KBTBD3: variants seen among roughly 807,000 people sequenced by gnomAD.
KBTBD3 encodes kelch repeat and BTB domain containing 3.
Under a neutral mutation model 49.6 loss-of-function variants are expected in KBTBD3, and 38 were observed. The observed-to-expected ratio is 0.77, with a 90% CI of 0.59 to 1.00. The LOEUF is 1.00. Among genes scored for constraint, KBTBD3 ranks in the 50% least tolerant of loss-of-function variants. The pLI, the probability that KBTBD3 is intolerant of heterozygous loss-of-function variation, is 0.00. For missense variants in KBTBD3, 661 were observed against 712.0 expected, an observed-to-expected ratio of 0.93 and a Z score of 0.81; for synonymous variants, 214 against 250.4, an observed-to-expected ratio of 0.85 and a Z score of 1.37.
Position 106,054,016 on chromosome 11 carries a change from G to A in KBTBD3, c.673C>T (p.His225Tyr), listed in dbSNP as rs1860495898. 1.2e-6 allele frequency: 2 copies of A among 1,613,662 alleles called. No homozygotes were observed. Among genetic ancestry groups the A allele is most frequent in the Non-Finnish European group, 8.5e-7 (1 of 1,179,782 alleles). Residue 225 changes from histidine (H) to tyrosine (Y), a missense_variant, in exon 4 of 4, where the codon CAT becomes TAT. By Grantham distance (83) the His-to-Tyr change is moderately conservative. Transcript: ENST00000531837. Reference sequence around the variant, plus strand: ...TACTTTTGCCTTGATTCTAAGTTATGTTTAGTCCAACTAAGGACAACTTTC... The same window carrying A: ...TACTTTTGCCTTGATTCTAAGTTATATTTAGTCCAACTAAGGACAACTTTC... ...VLKVVLSWTK[H>Y]NLESRQKYLP...
At chr11:106,058,654 C>A in intron 3 of KBTBD3, 1 of 492,432 alleles carries the variant, frequency 2.0e-6, no homozygotes, top group South Asian at 2.8e-5. Flanking sequence ...GAAGTCCTGA[C>A]CTCAGGTGAT....
At chr11:106,069,513 A>G (rs956430264) in intron 2 of KBTBD3, among the ~76,000 whole-genome samples, 16 of 152,128 alleles carry the variant, frequency 1.1e-4, no homozygotes, top group Admixed American at 9.2e-4. Flanking sequence ...ATAGTTCAAA[A>G]AAAAAAGAAG....
At chr11:106,058,401 G>A (rs1185614198) in intron 3 of KBTBD3, among the ~76,000 whole-genome samples, 2 of 150,408 alleles carry the variant, frequency 1.3e-5, no homozygotes, top group East Asian at 4.0e-4. Flanking sequence ...AAAATCATTA[G>A]TTAATCTTGG....
chr11:106,062,635 T>C (rs1408174289), intron 2 of KBTBD3, among the ~76,000 whole-genome samples: 2 of 152,252 alleles, frequency 1.3e-5, no homozygotes, highest in African/African-American at 4.8e-5. Flanking sequence ...CTTCATTTGA[T>C]TGGATAAGGC....
chr11:106,061,269 G>T (rs911029495), intron 2 of KBTBD3, among the ~76,000 whole-genome samples: 4 of 152,132 alleles, frequency 2.6e-5, no homozygotes, highest in Admixed American at 2.6e-4. Flanking sequence ...ATCAATTAAG[G>T]CTCCATTCCA....
At chr11:106,067,797 A>G (rs1211978363) in intron 2 of KBTBD3, among the ~76,000 whole-genome samples, 1 of 152,210 alleles carries the variant, frequency 6.6e-6, no homozygotes, top group Non-Finnish European at 1.5e-5. Flanking sequence ...TAATTGCACT[A>G]AATGTAAGTG....
chr11:106,070,097 A>C (rs1364750113), intron 2 of KBTBD3, among the ~76,000 whole-genome samples: 1 of 152,132 alleles, frequency 6.6e-6, no homozygotes, highest in Non-Finnish European at 1.5e-5. Context: ...TTCATACTTT[A>C]TGTAAAAATT....
At chr11:106,063,494 G>C (rs1207776809) in intron 2 of KBTBD3, among the ~76,000 whole-genome samples, 5 of 152,192 alleles carry the variant, frequency 3.3e-5, no homozygotes, top group Non-Finnish European at 7.3e-5. Flanking sequence ...TAGGGCATTA[G>C]AATCAGGCTT....
chr11:106,067,064 G>T (rs1195982659), intron 2 of KBTBD3, among the ~76,000 whole-genome samples: 1 of 152,012 alleles, frequency 6.6e-6, no homozygotes, highest in Non-Finnish European at 1.5e-5. Context: ...CACATAAACA[G>T]CCTCCAAACT....
rs536438301 is a variant in KBTBD3 at position 106,053,207 on chromosome 11, C to A, written c.1482G>T (p.Gly494=). The A allele has an allele frequency of 6.2e-7, 1 of 1,613,520 alleles. No homozygotes were observed. The highest frequency in any genetic ancestry group is 2.2e-5 in the East Asian group (1 of 44,860). ...TAATTAATGTTGCATGAAAAAATTG[C>A]CCAAACTCTGCTACTAGTTCAGACC... ...DQWSELVAEF[G]QFFHATLIKA... The change falls in exon 4 of 4, where the codon GGG becomes GGT. Residue 494 remains glycine, a synonymous_variant. Coordinates refer to ENST00000531837, the MANE Select transcript of KBTBD3 (RefSeq NM_198439.3).
In KBTBD3 at chr11:106,052,826, A is replaced by G. The variant is rs749270327; in HGVS notation, c.*24T>C. On this transcript the variant is annotated 3_prime_UTR_variant, in exon 4 of 4. Transcript: ENST00000531837. ...GTTAACAAATTTACTTTAGGTTACT[A>G]GAACTGGACTCGTTTTAGAATGTTC... 1 of 1,569,486 alleles carries G rather than the reference A, an allele frequency of 6.4e-7. No individual in the cohort carries two copies. Among genetic ancestry groups the G allele is most frequent in the South Asian group, 1.2e-5 (1 of 84,634 alleles).
At chr11:106,073,054 A>C (rs1402177094) in intron 2 of KBTBD3, among the ~76,000 whole-genome samples, 1 of 152,108 alleles carries the variant, frequency 6.6e-6, no homozygotes, top group African/African-American at 2.4e-5. Flanking sequence ...AACAGGGAAC[A>C]CTTATACAGT....
chr11:106,056,373 C>A (rs1310621445), intron 3 of KBTBD3, among the ~76,000 whole-genome samples: 3 of 152,006 alleles, frequency 2.0e-5, no homozygotes, highest in African/African-American at 7.3e-5. Flanking sequence ...AAAAAACTAG[C>A]AGTAAGCTGA....
At chr11:106,057,353 G>C (rs1860573965) in intron 3 of KBTBD3, 1 of 152,108 alleles carries the variant, frequency 6.6e-6, no homozygotes, top group African/African-American at 2.4e-5. Flanking sequence ...TTTTAATCAA[G>C]TTTATTGGAG....
chr11:106,058,129 A>G, intron 3 of KBTBD3: 1 of 387,244 alleles, frequency 2.6e-6, no homozygotes, highest in Non-Finnish European at 4.6e-6. Flanking sequence ...TCACACCTGT[A>G]ATCCCAGCAC....
At chr11:106,057,878 T>C (rs1050629294) in intron 3 of KBTBD3, 7 of 382,426 alleles carry the variant, frequency 1.8e-5, no homozygotes, top group Non-Finnish European at 3.2e-5. Flanking sequence ...GCAGAGTTAT[T>C]TTCTTCAAAT....
Position 106,053,877 on chromosome 11 carries a change from A to T in KBTBD3, c.812T>A (p.Ile271Asn). 6.2e-7 allele frequency: 1 copy of T among 1,614,040 alleles called. No homozygotes were observed. Among genetic ancestry groups the T allele is most frequent in the Non-Finnish European group, 8.5e-7 (1 of 1,179,938 alleles). Reference protein sequence around the residue: ...LLKSTNCFDIIMDAIKCVQGS... With the variant: ...LLKSTNCFDINMDAIKCVQGS... ...TTGCACACACTTAATTGCATCCATG[A>T]TTATGTCAAAACAGTTTGTGCTTTT... is the stretch of plus-strand genomic sequence containing the variant. Residue 271 changes from isoleucine to asparagine, a missense_variant, in exon 4 of 4, where the codon ATC (isoleucine) becomes AAC (asparagine). Ile to Asn is a moderately radical substitution (Grantham distance 149). Transcript: ENST00000531837.
At chr11:106,060,995 C>T (rs1436800977) in intron 2 of KBTBD3, among the ~76,000 whole-genome samples, 1 of 152,162 alleles carries the variant, frequency 6.6e-6, no homozygotes, top group Non-Finnish European at 1.5e-5. Flanking sequence ...TATGACACCT[C>T]TCAAAAGAAG....
chr11:106,070,759 T>C (rs567052297), intron 2 of KBTBD3, among the ~76,000 whole-genome samples: 1 of 152,108 alleles, frequency 6.6e-6, no homozygotes, highest in East Asian at 1.9e-4. Flanking sequence ...AGCCTCTACA[T>C]GTTTCATAAT....
Sources: allele counts gnomAD v4.1 joint callset (sites outside exome capture counted in the v4.1 genomes callset), GRCh38; gene constraint gnomAD v4.1.1; transcripts MANE v1.5; gene names NCBI Gene and HGNC (gene_info 2026-07-23, HGNC 2026-07-21).